Variants in TRIM4 observed in about 807,000 individuals in gnomAD.
TRIM4 encodes E3 ubiquitin-protein ligase TRIM4.
In TRIM4, 29 loss-of-function variants were observed where a neutral mutation model predicts 33.7. That is an observed-to-expected ratio of 0.86 (90% CI 0.64 to 1.17). The LOEUF is 1.17. Among genes scored for constraint, TRIM4 ranks in the 50% most tolerant of loss-of-function variants. TRIM4 has a pLI of 0.00. For synonymous variants in TRIM4, 224 were observed against 233.0 expected (o/e 0.96, Z 0.35); for missense variants, 554 against 593.7 (o/e 0.93, Z 0.69).
intron 3 of TRIM4, among the ~76,000 whole-genome samples, chr7:99,907,269 C>T (rs1465220297): frequency 6.6e-6 from 1 of 152,170 alleles, no homozygotes; most frequent in Admixed American, 6.5e-5. Context: ...AGGTATGTGC[C>T]ACCATCCCCA....
At chr7:99,902,229 C>T (rs1819192155) in intron 5 of TRIM4, 1 of 745,408 alleles carries the variant, frequency 1.3e-6, no homozygotes, top group Admixed American at 1.8e-5. Context: ...GAAGTGAACA[C>T]CCACAACATG....
chr7:99,916,768 A>AC (rs769109476), intron 1 of TRIM4: 53 of 780,938 alleles, frequency 6.8e-5, no homozygotes, highest in Non-Finnish European at 1.1e-4. Flanking sequence ...CGTGGATGTC[A>AC]AAGTTACCTG....
intron 3 of TRIM4, among the ~76,000 whole-genome samples, chr7:99,904,478 T>C (rs968141090): frequency 6.6e-6 from 1 of 152,038 alleles, no homozygotes; most frequent in African/African-American, 2.4e-5. Flanking sequence ...TTCTAGAAAA[T>C]AAAATGAATA....
chr7:99,919,160 G>C lies in TRIM4; in HGVS notation c.242C>G (p.Pro81Arg). The C allele has an allele frequency of 6.8e-7, 1 of 1,478,900 alleles. No homozygotes were observed. Among genetic ancestry groups the C allele is most frequent in the South Asian group, 1.3e-5 (1 of 76,376 alleles). The allele number at this position is 1,478,900 out of a possible 1,614,324, so 91.6% of individuals were successfully genotyped here. Residue 81 changes from proline to arginine, a missense_variant, in exon 1 of 6, where the codon CCC (proline) becomes CGC (arginine). Transcript: ENST00000349062. ...TEKTQRRRLG[P>R]VPPGLCGRHW... ...GCGGCCGCACAGGCCCGGGGGCACG[G>C]GGCCCAGGCGCCGGCGCTGCGTCTT...
rs1011767671 is a variant in TRIM4, at chr7:99,917,109, T to C, written c.393+1900A>G. Among the ~76,000 whole-genome samples, 5 of 152,244 alleles carry C rather than the reference T, an allele frequency of 3.3e-5. No homozygotes were observed. In the South Asian group the frequency reaches 8.3e-4, roughly 25 times the overall value. On this transcript the variant is annotated intron_variant, in intron 1 of 5. Coordinates refer to ENST00000349062, the MANE Select transcript of TRIM4 (RefSeq NM_033091.3). ...ACACATTTAACTCCTCAACGGAGCC[T>C]TTCCTCACTCCTCAGTGATCACTCC...
intron 1 of TRIM4, among the ~76,000 whole-genome samples, chr7:99,912,987 G>A (rs951959850): frequency 3.3e-5 from 5 of 152,068 alleles, no homozygotes; most frequent in African/African-American, 1.2e-4. Flanking sequence ...TATAACTGCC[G>A]CTTTGTGGTC....
At chr7:99,898,848 C>T (rs1819086051) in intron 5 of TRIM4, among the ~76,000 whole-genome samples, 1 of 152,150 alleles carries the variant, frequency 6.6e-6, no homozygotes, top group African/African-American at 2.4e-5. Flanking sequence ...GTTATGTGAA[C>T]CCTAGAAACC....
Position 99,902,782 on chromosome 7 carries a change from T to G in TRIM4, c.841+436A>C, listed in dbSNP as rs112221624. 3.2e-3 allele frequency among the ~76,000 whole-genome samples: 476 copies of G among 150,946 alleles called. 1 individual carries two copies. The highest frequency in any genetic ancestry group is 0.01 in the Middle Eastern group (3 of 294). ...CCTTAGCTCATGCTGCTGCTTCTGC[T>G]TGAAACAGTCATCCCTGTTTTCCAC... On this transcript the variant is annotated intron_variant, in intron 5 of 5. Transcript: ENST00000349062.
intron 1 of TRIM4, among the ~76,000 whole-genome samples, chr7:99,911,082 T>C (rs1027724634): frequency 3.3e-5 from 5 of 152,212 alleles, no homozygotes; most frequent in African/African-American, 1.2e-4. Context: ...GAGTCTGAGA[T>C]GCCTGTGGGA....
intron 4 of TRIM4, 69 bp from the exon 5 acceptor site, chr7:99,903,384 G>T: frequency 1.4e-6 from 2 of 1,404,902 alleles, no homozygotes; most frequent in South Asian, 1.2e-5. Context: ...CCCGGTCAAA[G>T]GTTCTTAGCC....
chr7:99,909,726 TTTG>T, intron 1 of TRIM4, 66 bp from the exon 2 acceptor site: 36 of 1,152,886 alleles, frequency 3.1e-5, no homozygotes, highest in East Asian at 7.5e-5. Flanking sequence ...CTTTTTTCTT[TTTG>T]TTTTTTTTTT....
rs1390230724 is a variant in TRIM4, at chr7:99,908,671, A to C, written c.631T>G (p.Leu211Val). The C allele has an allele frequency of 6.2e-7, 1 of 1,614,000 alleles. No individual in the cohort carries two copies. The highest frequency in any genetic ancestry group is 8.5e-7 in the Non-Finnish European group (1 of 1,180,024). Residue 211 changes from leucine to valine, a missense_variant, in exon 3 of 6, where the codon TTA becomes GTA. By Grantham distance (32) the Leu-to-Val change is conservative. This residue lies in a region of TRIM4 where 290 missense variants were observed against 335.8 expected (regional missense o/e 0.86). Coordinates refer to ENST00000349062, the MANE Select transcript of TRIM4 (RefSeq NM_033091.3). ...GAAGCGATAGTTTGATTGAGTTTTA[A>C]CGTGTTCTCATTCAGCTTCTTCTTC... ...ETKKKLNENTLKLNQTIASLK... is the reference protein window; with the variant it reads ...ETKKKLNENTVKLNQTIASLK...
At chr7:99,903,397 A>C in intron 4 of TRIM4, 82 bp from the exon 5 acceptor site, 1 of 1,368,540 alleles carries the variant, frequency 7.3e-7, no homozygotes, top group Non-Finnish European at 1.0e-6. Flanking sequence ...TCTTAGCCCA[A>C]AGTTCAGATG....
chr7:99,918,351 G>C (rs911660791), intron 1 of TRIM4, among the ~76,000 whole-genome samples: 28 of 152,208 alleles, frequency 1.8e-4, no homozygotes, highest in Non-Finnish European at 4.4e-5. Context: ...CAGATCACTT[G>C]AGGTCAGCAG....
chr7:99,897,898 CCT>C (rs1819058419), intron 5 of TRIM4, among the ~76,000 whole-genome samples: 1 of 152,198 alleles, frequency 6.6e-6, no homozygotes, highest in South Asian at 2.1e-4. Flanking sequence ...AATGGCTTCC[CCT>C]TTCTTGTACC....
In TRIM4 at chr7:99,919,357, G is replaced by T; in HGVS notation, c.45C>A (p.Cys15Ter). ...DIQEELTCPI[C>*]LDYFQDPVSI... The stretch of plus-strand genomic sequence containing the variant: ...ACACCGGGTCCTGGAAATAGTCCAG[G>T]CAGATGGGGCAGGTCAACTCCTCCT... The change falls in exon 1 of 6, where the codon TGC (cysteine) becomes TGA (stop). Residue 15 changes from cysteine to a stop codon, truncating the protein, a stop_gained. Coordinates refer to ENST00000349062, the MANE Select transcript of TRIM4 (RefSeq NM_033091.3). LOFTEE classifies it high-confidence loss of function. 1 of 1,577,474 alleles carries T rather than the reference G, an allele frequency of 6.3e-7. No homozygotes were observed. The highest frequency in any genetic ancestry group is 8.6e-7 in the Non-Finnish European group (1 of 1,163,456).
chr7:99,900,119 T>C (rs1819124069), intron 5 of TRIM4, among the ~76,000 whole-genome samples: 1 of 152,262 alleles, frequency 6.6e-6, no homozygotes, highest in Non-Finnish European at 1.5e-5. Flanking sequence ...AACTGGCTTG[T>C]GTGATTATTG....
chr7:99,903,119 T>C (rs2151645943), intron 5 of TRIM4, 99 bp downstream of exon 5: 1 of 865,602 alleles, frequency 1.2e-6, no homozygotes, highest in East Asian at 2.4e-5. Context: ...GACACTCTAT[T>C]AGCTGCATGC....
intron 3 of TRIM4, among the ~76,000 whole-genome samples, chr7:99,906,481 T>G (rs1464246021): frequency 2.6e-5 from 4 of 152,176 alleles, no homozygotes; most frequent in Non-Finnish European, 5.9e-5. Flanking sequence ...CGTGAGCCAC[T>G]GTACCTGGCC....
Sources: allele counts gnomAD v4.1 joint callset (sites outside exome capture counted in the v4.1 genomes callset), GRCh38; gene constraint gnomAD v4.1.1; regional missense constraint gnomAD v4.1.1; transcripts MANE v1.5; gene names NCBI Gene and HGNC (gene_info 2026-07-23, HGNC 2026-07-21).